The following AMPH variants were observed in gnomAD, a reference collection of about 807,000 sequenced individuals.
AMPH encodes the protein amphiphysin, also known as amphiphysin (Stiff-Mann syndrome with breast cancer 128kD autoantigen).
Under a neutral mutation model 99.1 loss-of-function variants are expected in AMPH, and 49 were observed. The ratio of observed to expected loss-of-function variants is 0.49; its 90% CI spans 0.39 to 0.63. AMPH has a LOEUF of 0.63. Ranked by LOEUF, AMPH falls within the 20% of genes least tolerant of loss-of-function variation. The probability of loss-of-function intolerance (pLI) is 0.00; values close to 1 mark genes in which losing one functional copy is unlikely to be tolerated. For synonymous variants in AMPH, 314 were observed against 317.3 expected, an observed-to-expected ratio of 0.99 and a Z score of 0.11; for missense variants, 759 against 863.4, an observed-to-expected ratio of 0.88 and a Z score of 1.52.
chr7:38,461,181 TG>T, intron 11 of AMPH, 101 bp downstream of exon 11: 1 of 1,333,258 alleles, frequency 7.5e-7, no homozygotes, highest in African/African-American at 1.5e-5. Context: ...ATTAAAATTA[TG>T]TTGTTGGTTC....
chr7:38,398,197 A>C lies in AMPH; in HGVS notation c.1399-3983T>G, dbSNP rs1187331458. ...GGTATATACTCAAAAAAAAAAAAAC[A>C]AAAAAAAAAGGGAAATCAATATATC... On this transcript the variant is annotated intron_variant, in intron 17 of 20. Transcript: ENST00000356264. Among the ~76,000 whole-genome samples the C allele has an allele frequency of 7.9e-5, 10 of 127,372 alleles. 1 individual carries two copies. The highest frequency in any genetic ancestry group is 7.8e-5 in the Admixed American group (1 of 12,752). The allele number at this position is 127,372 out of a possible 152,430, so 83.6% of individuals were successfully genotyped here.
intron 11 of AMPH, among the ~76,000 whole-genome samples, chr7:38,456,353 G>T (rs1488971268): frequency 6.6e-6 from 1 of 152,142 alleles, no homozygotes; most frequent in Non-Finnish European, 1.5e-5. Context: ...TCAGCAGGCT[G>T]GAAACCACCC....
At chr7:38,429,630 C>A (rs950685411) in intron 14 of AMPH, 58 of 1,426,848 alleles carry the variant, frequency 4.1e-5, no homozygotes, top group Non-Finnish European at 5.6e-6. Flanking sequence ...AAAGATGAAA[C>A]AGAACATGGT....
At chr7:38,604,539 G>A (rs932534572) in intron 1 of AMPH, among the ~76,000 whole-genome samples, 2 of 152,214 alleles carry the variant, frequency 1.3e-5, no homozygotes, top group Admixed American at 1.3e-4. Flanking sequence ...TACGGGCCTA[G>A]GTTGGGATCC....
chr7:38,617,936 A>G (rs1793931684), intron 1 of AMPH, among the ~76,000 whole-genome samples: 1 of 152,182 alleles, frequency 6.6e-6, no homozygotes, highest in Non-Finnish European at 1.5e-5. Flanking sequence ...AGTAAGTGTA[A>G]CTTTATTTAT....
chr7:38,577,360 G>A (rs1466458037), intron 1 of AMPH, among the ~76,000 whole-genome samples: 3 of 152,126 alleles, frequency 2.0e-5, no homozygotes, highest in East Asian at 1.9e-4. Flanking sequence ...GTTCTCATAC[G>A]AGTCTTCGCT....
chr7:38,415,018 T>C (rs1785327782), intron 17 of AMPH, among the ~76,000 whole-genome samples: 1 of 152,240 alleles, frequency 6.6e-6, no homozygotes, highest in East Asian at 1.9e-4. Flanking sequence ...CATAGAAACA[T>C]CTGGAAAAGT....
intron 1 of AMPH, among the ~76,000 whole-genome samples, chr7:38,614,880 G>A (rs778780166): frequency 6.6e-6 from 1 of 152,008 alleles, no homozygotes. Context: ...CCCACTTTAG[G>A]AAAGTCCAGT....
chr7:38,437,063 A>G (rs1184935145), intron 11 of AMPH, among the ~76,000 whole-genome samples: 3 of 152,210 alleles, frequency 2.0e-5, no homozygotes, highest in African/African-American at 7.2e-5. Flanking sequence ...ATATTTTTGG[A>G]TTAGAAAGAA....
intron 7 of AMPH, among the ~76,000 whole-genome samples, chr7:38,473,931 G>A (rs534923900): frequency 1.6e-4 from 24 of 152,056 alleles, no homozygotes; most frequent in Admixed American, 1.4e-3. Flanking sequence ...AATCCTCTCT[G>A]GGGGAGAGAA....
At chr7:38,585,767 C>T (rs1200884247) in intron 1 of AMPH, among the ~76,000 whole-genome samples, 1 of 152,192 alleles carries the variant, frequency 6.6e-6, no homozygotes, top group Non-Finnish European at 1.5e-5. Context: ...ACATTTTTCA[C>T]CATTTGAGTG....
chr7:38,409,151 A>G (rs1785143230), intron 17 of AMPH, among the ~76,000 whole-genome samples: 2 of 152,208 alleles, frequency 1.3e-5, no homozygotes, highest in Admixed American at 1.3e-4. Context: ...CTTTGGGCCT[A>G]GCTGTGTAAA....
At chr7:38,387,091 T>A (rs971114971) in intron 20 of AMPH, among the ~76,000 whole-genome samples, 1 of 152,168 alleles carries the variant, frequency 6.6e-6, no homozygotes, top group African/African-American at 2.4e-5. Flanking sequence ...TAACAAAGTA[T>A]AAAACCAACT....
intron 17 of AMPH, among the ~76,000 whole-genome samples, chr7:38,411,513 G>A (rs569960083): frequency 1.3e-5 from 2 of 152,288 alleles, no homozygotes; most frequent in South Asian, 2.1e-4. Context: ...CCTTTCTATC[G>A]TGCAGGTGAG....
chr7:38,530,911 C>T (rs984549214), intron 2 of AMPH: 1 of 152,194 alleles, frequency 6.6e-6, no homozygotes, highest in African/African-American at 2.4e-5. Flanking sequence ...CTCTCCTTAG[C>T]ATGCATTGTC....
intron 2 of AMPH, among the ~76,000 whole-genome samples, chr7:38,534,412 C>A (rs1393466665): frequency 6.6e-6 from 1 of 152,202 alleles, no homozygotes; most frequent in African/African-American, 2.4e-5. Flanking sequence ...GTAGCTCACA[C>A]CTGTAATCCC....
chr7:38,411,725 T>C (rs1785221683), intron 17 of AMPH, among the ~76,000 whole-genome samples: 1 of 152,124 alleles, frequency 6.6e-6, no homozygotes, highest in Non-Finnish European at 1.5e-5. Context: ...CTGGGCTTCA[T>C]ATTGGGGTGG....
intron 4 of AMPH, among the ~76,000 whole-genome samples, chr7:38,492,007 G>A (rs1045115871): frequency 1.3e-5 from 2 of 152,164 alleles, no homozygotes. Flanking sequence ...AGAATTTCAG[G>A]CAAATAGCAG....
chr7:38,384,804 C>T lies in AMPH; in HGVS notation c.*14G>A, dbSNP rs372273504. 7.5e-5 allele frequency: 121 copies of T among 1,607,232 alleles called. 1 individual carries two copies. Among genetic ancestry groups the T allele is most frequent in the Non-Finnish European group, 1.0e-4 (117 of 1,173,992 alleles). ...AACCCCGTAACTGAGCTCCTTCTTG[C>T]AGTACTTGTTGCCCTAATCTAAGCG... On this transcript the variant is annotated 3_prime_UTR_variant, in exon 21 of 21. Transcript: ENST00000356264.
Sources: allele counts gnomAD v4.1 joint callset (sites outside exome capture counted in the v4.1 genomes callset), GRCh38; gene constraint gnomAD v4.1.1; transcripts MANE v1.5; gene names NCBI Gene and HGNC (gene_info 2026-07-23, HGNC 2026-07-21).